DAPP1: variants seen among roughly 807,000 people sequenced by gnomAD.
The protein encoded by DAPP1 is dual adapter for phosphotyrosine and 3-phosphotyrosine and 3-phosphoinositide.
DAPP1 carries 20 observed loss-of-function variants against 41.5 expected under a neutral mutation model. The observed-to-expected ratio is 0.48, with a 90% CI of 0.34 to 0.70. The LOEUF (loss-of-function observed/expected upper bound fraction) is 0.70. Ranked by LOEUF, DAPP1 falls within the 30% of genes least tolerant of loss-of-function variation. The pLI is 0.01. For missense variants in DAPP1, 233 were observed against 333.4 expected, an observed-to-expected ratio of 0.70 and a Z score of 2.35; for synonymous variants, 113 against 116.2, an observed-to-expected ratio of 0.97 and a Z score of 0.18.
At position 99,862,007 on chromosome 4, in the gene DAPP1, A is replaced by T. The variant is rs117987164; in HGVS notation, c.537+382A>T. Among the ~76,000 whole-genome samples, 56 of 152,358 alleles carry T rather than the reference A, an allele frequency of 3.7e-4. No individual in the cohort carries two copies. In the East Asian group the frequency reaches 0.01, roughly 28 times the overall value. On this transcript the variant is annotated intron_variant, in intron 5 of 8. Coordinates refer to ENST00000512369, the MANE Select transcript of DAPP1 (RefSeq NM_014395.3). Reference sequence around the variant, plus strand: ...TAAGGATAGGCCAAAAACATCACTGATGCTACTGAAACTATGTTATAAAAT... The same window carrying T: ...TAAGGATAGGCCAAAAACATCACTGTTGCTACTGAAACTATGTTATAAAAT...
intron 1 of DAPP1, among the ~76,000 whole-genome samples, chr4:99,818,932 C>A (rs993694083): frequency 2.0e-5 from 3 of 152,088 alleles, no homozygotes; most frequent in Non-Finnish European, 4.4e-5. Context: ...CCAAGTAATT[C>A]CAAAGTGAGA....
At chr4:99,817,307 A>G (rs1051836265) in intron 1 of DAPP1, among the ~76,000 whole-genome samples, 1 of 152,226 alleles carries the variant, frequency 6.6e-6, no homozygotes, top group African/African-American at 2.4e-5. Flanking sequence ...GAATTGGGAT[A>G]TAGAGGTGAT....
At chr4:99,851,094 T>A (rs1723840865) in intron 3 of DAPP1, among the ~76,000 whole-genome samples, 1 of 152,176 alleles carries the variant, frequency 6.6e-6, no homozygotes, top group East Asian at 1.9e-4. Context: ...TTACCATGCA[T>A]CTACAATGTG....
chr4:99,830,908 T>A (rs1367108903), intron 1 of DAPP1, among the ~76,000 whole-genome samples: 3 of 152,234 alleles, frequency 2.0e-5, no homozygotes, highest in African/African-American at 7.2e-5. Flanking sequence ...GGAAGTTGGA[T>A]TAAGTAAGAA....
chr4:99,869,932 A>G lies in DAPP1; in HGVS notation c.*1747A>G, dbSNP rs1724588089. On this transcript the variant is annotated 3_prime_UTR_variant, in exon 9 of 9. Coordinates refer to ENST00000512369, the MANE Select transcript of DAPP1 (RefSeq NM_014395.3). ...GTGACAGAGTCAGACTCCGTCCCAA[A>G]AAAACAAACAAACAAAACAAAACAA... 1 of 151,634 alleles carries G rather than the reference A, an allele frequency of 6.6e-6. No individual in the cohort carries two copies. The highest frequency in any genetic ancestry group is 2.1e-4 in the South Asian group (1 of 4,822). The allele number at this position is 151,634 out of a possible 1,614,324, so 9.4% of individuals were successfully genotyped here.
intron 1 of DAPP1, among the ~76,000 whole-genome samples, chr4:99,821,004 T>C (rs1403684833): frequency 6.6e-6 from 1 of 151,940 alleles, no homozygotes; most frequent in African/African-American, 2.4e-5. Flanking sequence ...ACAAAATGAG[T>C]CCGTATTATA....
chr4:99,845,730 C>T (rs980994927), intron 3 of DAPP1, among the ~76,000 whole-genome samples: 2 of 152,096 alleles, frequency 1.3e-5, no homozygotes, highest in African/African-American at 4.8e-5. Context: ...ATTGCTATTT[C>T]AGAAATTATA....
At chr4:99,851,345 A>G (rs1723850555) in intron 3 of DAPP1, among the ~76,000 whole-genome samples, 1 of 152,148 alleles carries the variant, frequency 6.6e-6, no homozygotes, top group Non-Finnish European at 1.5e-5. Flanking sequence ...GAGAGACAGA[A>G]AGAGGAAGGG....
Position 99,868,341 on chromosome 4 carries a change from C to A in DAPP1, c.*156C>A. ...TGATTGGGACCCATATACCACGTTG[C>A]TGACTCACGTTGCTGCCCTTCCATG... On this transcript the variant is annotated 3_prime_UTR_variant, in exon 9 of 9. Transcript: ENST00000512369. 1 of 651,532 alleles carries A rather than the reference C, an allele frequency of 1.5e-6. No individual in the cohort carries two copies. Among genetic ancestry groups the A allele is most frequent in the Non-Finnish European group, 2.7e-6 (1 of 372,662 alleles). 40.4% of individuals were successfully genotyped at this position (651,532 alleles called of 1,614,324 possible). A position where few individuals can be genotyped will look rare whatever the true frequency, so the allele number is the denominator to read the frequency against.
intron 4 of DAPP1, among the ~76,000 whole-genome samples, chr4:99,857,084 C>T (rs1375308196): frequency 6.6e-6 from 1 of 152,142 alleles, no homozygotes; most frequent in African/African-American, 2.4e-5. Context: ...GATTATTTCC[C>T]AACAGTGATC....
At chr4:99,838,638 C>T (rs1723383013) in intron 2 of DAPP1, among the ~76,000 whole-genome samples, 1 of 152,222 alleles carries the variant, frequency 6.6e-6, no homozygotes, top group African/African-American at 2.4e-5. Context: ...ACTGATCTGA[C>T]AGGAGGCAGA....
chr4:99,863,634 G>C (rs985384360), intron 6 of DAPP1, 136 bp from the exon 7 acceptor site: 1 of 654,224 alleles, frequency 1.5e-6, no homozygotes, highest in Non-Finnish European at 2.6e-6. Flanking sequence ...CTTTTCTATT[G>C]TCAGTCCTGT....
At chr4:99,842,976 T>C (rs568234039) in intron 3 of DAPP1, among the ~76,000 whole-genome samples, 1 of 152,240 alleles carries the variant, frequency 6.6e-6, no homozygotes, top group South Asian at 2.1e-4. Flanking sequence ...ATATTTCTTA[T>C]AGCTTATGTT....
chr4:99,836,447 G>C (rs1420230216), intron 2 of DAPP1, among the ~76,000 whole-genome samples: 2 of 152,214 alleles, frequency 1.3e-5, no homozygotes, highest in African/African-American at 2.4e-5. Flanking sequence ...CATGTAGCAA[G>C]TATTCTTGGG....
intron 3 of DAPP1, 29 bp downstream of exon 3, chr4:99,840,451 G>A: frequency 1.3e-6 from 2 of 1,598,444 alleles, no homozygotes; most frequent in South Asian, 1.1e-5. Flanking sequence ...CTTGACTTAT[G>A]AAATAATGTT....
chr4:99,843,771 G>A (rs1018991567), intron 3 of DAPP1, among the ~76,000 whole-genome samples: 7 of 151,948 alleles, frequency 4.6e-5, no homozygotes, highest in African/African-American at 1.7e-4. Flanking sequence ...TTCCACACTA[G>A]TGTGTGAACT....
chr4:99,836,675 C>A (rs1458041435), intron 2 of DAPP1, among the ~76,000 whole-genome samples: 3 of 152,352 alleles, frequency 2.0e-5, no homozygotes, highest in Non-Finnish European at 4.4e-5. Flanking sequence ...ACGGTCACTA[C>A]TGGTCACTAA....
chr4:99,821,164 G>A lies in DAPP1; in HGVS notation c.101+4150G>A, dbSNP rs182001819. On this transcript the variant is annotated intron_variant, in intron 1 of 8. Coordinates refer to ENST00000512369, the MANE Select transcript of DAPP1 (RefSeq NM_014395.3). Reference sequence around the variant, plus strand: ...AACCCATGCTGACTTCACAAACCAGGTTGTTTCCCTGCTGTGATAGTCCTA... The same window carrying A: ...AACCCATGCTGACTTCACAAACCAGATTGTTTCCCTGCTGTGATAGTCCTA... Among the ~76,000 whole-genome samples, 271 of 152,292 alleles carry A rather than the reference G, an allele frequency of 1.8e-3. 1 individual carries two copies. Among genetic ancestry groups the A allele is most frequent in the South Asian group, 0.013 (64 of 4,822 alleles).
chr4:99,870,749 C>G (rs1286112043), downstream of DAPP1, among the ~76,000 whole-genome samples: 1 of 152,116 alleles, frequency 6.6e-6, no homozygotes, highest in Non-Finnish European at 1.5e-5. Flanking sequence ...ACAAAGTATT[C>G]GCAGTTATTC....
Sources: allele counts gnomAD v4.1 joint callset (sites outside exome capture counted in the v4.1 genomes callset), GRCh38; gene constraint gnomAD v4.1.1; transcripts MANE v1.5; gene names NCBI Gene and HGNC (gene_info 2026-07-23, HGNC 2026-07-21).